The following SEMA6A variants were observed in gnomAD, a reference collection of about 807,000 sequenced individuals.
SEMA6A encodes semaphorin 6A.
Under a neutral mutation model 96.8 loss-of-function variants are expected in SEMA6A, and 25 were observed. That is an observed-to-expected ratio of 0.26 (90% CI 0.19 to 0.36). The LOEUF (loss-of-function observed/expected upper bound fraction) is 0.36, where lower values mean the gene tolerates loss of function less well. Ranked by LOEUF, SEMA6A falls within the 10% of genes least tolerant of loss-of-function variation. The pLI is 1.00. For synonymous variants in SEMA6A, 612 were observed against 518.0 expected (o/e 1.18, Z -2.46); for missense variants, 1,363 against 1,323.1 (o/e 1.03, Z -0.47).
At chr5:116,450,899 T>G (rs919470579) in intron 18 of SEMA6A, among the ~76,000 whole-genome samples, 1 of 152,200 alleles carries the variant, frequency 6.6e-6, no homozygotes, top group Non-Finnish European at 1.5e-5. Context: ...GAAATGCCTT[T>G]CAAACTTAAA....
intron 1 of SEMA6A, among the ~76,000 whole-genome samples, chr5:116,573,307 G>A (rs1262991045): frequency 2.6e-5 from 4 of 152,098 alleles, no homozygotes; most frequent in African/African-American, 9.7e-5. Flanking sequence ...TCCCCCTCCT[G>A]GGTCATCTTT....
intron 1 of SEMA6A, among the ~76,000 whole-genome samples, chr5:116,570,285 C>T (rs1239139362): frequency 6.6e-6 from 1 of 152,196 alleles, no homozygotes; most frequent in African/African-American, 2.4e-5. Flanking sequence ...TGAGAAAAGC[C>T]TTCACGCTGA....
At chr5:116,495,998 C>T (rs1757581735) in intron 5 of SEMA6A, 5 of 419,662 alleles carry the variant, frequency 1.2e-5, no homozygotes, top group Non-Finnish European at 1.7e-5. Flanking sequence ...CTCTGGGCAG[C>T]CGGCTTTGTG....
chr5:116,447,448 G>A lies in SEMA6A; in HGVS notation c.2258C>T (p.Thr753Met), dbSNP rs1561459244. ...IKADQHHLDL[T>M]ALPTPESTPT... ...GGTTGACTCTGGGGTGGGGAGGGCCGTCAGGTCCAGGTGGTGCTGGTCTGC... is the reference window on the plus strand; with the variant it reads ...GGTTGACTCTGGGGTGGGGAGGGCCATCAGGTCCAGGTGGTGCTGGTCTGC... The change falls in exon 19 of 19, where the codon ACG (threonine) becomes ATG (methionine). Residue 753 changes from threonine to methionine, a missense_variant. Thr to Met is a moderately conservative substitution (Grantham distance 81, BLOSUM62 -1). Transcript: ENST00000343348. The A allele has an allele frequency of 2.5e-6, 4 of 1,614,098 alleles. No homozygotes were observed. Among genetic ancestry groups the A allele is most frequent in the Non-Finnish European group, 3.4e-6 (4 of 1,179,910 alleles).
At chr5:116,507,589 T>A (rs1189612591) in intron 1 of SEMA6A, among the ~76,000 whole-genome samples, 1 of 152,190 alleles carries the variant, frequency 6.6e-6, no homozygotes, top group Non-Finnish European at 1.5e-5. Flanking sequence ...CTTTCAAAAC[T>A]TTGAAAAGTG....
At chr5:116,474,444 TCTC>T (rs1756348590) in intron 16 of SEMA6A, among the ~76,000 whole-genome samples, 1 of 152,160 alleles carries the variant, frequency 6.6e-6, no homozygotes, top group Non-Finnish European at 1.5e-5. Flanking sequence ...TGATGACACT[TCTC>T]CTATGCTTAT....
At chr5:116,495,212 A>C (rs1033005659) in intron 6 of SEMA6A, among the ~76,000 whole-genome samples, 1 of 152,218 alleles carries the variant, frequency 6.6e-6, no homozygotes, top group Non-Finnish European at 1.5e-5. Context: ...GGCTCTTTAA[A>C]GATGTGTCAA....
rs1414773465 is a variant in SEMA6A at position 116,447,173 on chromosome 5, C to T, written c.2533G>A (p.Asp845Asn). The change falls in exon 19 of 19, where the codon GAC (aspartate) becomes AAC (asparagine). Residue 845 changes from aspartate (D) to asparagine (N), a missense_variant. By Grantham distance (23) the Asp-to-Asn change is conservative. Transcript: ENST00000343348. Reference sequence around the variant, plus strand: ...TTATACTCCAGTGTGGCGGCCTGGTCCTCCAGCGCCATCTGGGCCACCTCG... The same window carrying T: ...TTATACTCCAGTGTGGCGGCCTGGTTCTCCAGCGCCATCTGGGCCACCTCG... Reference protein sequence around the residue: ...MSEVAQMALEDQAATLEYKTI... With the variant: ...MSEVAQMALENQAATLEYKTI... The T allele has an allele frequency of 6.2e-7, 1 of 1,614,058 alleles. No homozygotes were observed. Among genetic ancestry groups the T allele is most frequent in the South Asian group, 1.1e-5 (1 of 91,080 alleles).
intron 17 of SEMA6A, chr5:116,472,819 CTA>C: frequency 8.0e-7 from 1 of 1,249,752 alleles, no homozygotes. Context: ...GGAATGAAAA[CTA>C]TAAACTACTG....
chr5:116,544,852 AAT>A (rs1201711518), intron 1 of SEMA6A, among the ~76,000 whole-genome samples: 3 of 152,236 alleles, frequency 2.0e-5, no homozygotes, highest in Non-Finnish European at 2.9e-5. Flanking sequence ...TCAAAGAATC[AAT>A]ATGTCAGTAT....
intron 1 of SEMA6A, among the ~76,000 whole-genome samples, chr5:116,532,314 A>C (rs573044262): frequency 1.3e-5 from 2 of 152,296 alleles, no homozygotes; most frequent in South Asian, 2.1e-4. Context: ...TCGGTATAGA[A>C]AGTGGGGTCA....
intron 18 of SEMA6A, among the ~76,000 whole-genome samples, chr5:116,461,457 G>A (rs1561470392): frequency 1.4e-5 from 2 of 144,196 alleles, no homozygotes; most frequent in East Asian, 2.0e-4. Flanking sequence ...ATTAGTATGA[G>A]TTTTTTTTTT....
At chr5:116,499,660 A>G (rs746915579) in intron 3 of SEMA6A, among the ~76,000 whole-genome samples, 84 of 152,224 alleles carry the variant, frequency 5.5e-4, no homozygotes, top group Non-Finnish European at 9.0e-4. Flanking sequence ...GTATGGTGTG[A>G]AAACAAACAT....
chr5:116,512,308 G>C (rs1204548361), intron 1 of SEMA6A, among the ~76,000 whole-genome samples: 2 of 152,108 alleles, frequency 1.3e-5, no homozygotes, highest in African/African-American at 2.4e-5. Flanking sequence ...TATAAGGTTC[G>C]GGCAAATGAG....
chr5:116,445,503 A>G lies in SEMA6A; in HGVS notation c.*1110T>C, dbSNP rs1754122238. 1 of 152,686 alleles carries G rather than the reference A, an allele frequency of 6.5e-6. No homozygotes were observed. Among genetic ancestry groups the G allele is most frequent in the South Asian group, 2.1e-4 (1 of 4,838 alleles). 9.5% of individuals were successfully genotyped at this position (152,686 alleles called of 1,614,324 possible). On this transcript the variant is annotated 3_prime_UTR_variant, in exon 19 of 19. Transcript: ENST00000343348. ...GGTGCCTTCACAGAAAGTCAGAACCATGGACAAAACCATGTTGGCATCAAT... is the reference window on the plus strand; with the variant it reads ...GGTGCCTTCACAGAAAGTCAGAACCGTGGACAAAACCATGTTGGCATCAAT...
At chr5:116,450,073 G>C (rs563831542) in intron 18 of SEMA6A, among the ~76,000 whole-genome samples, 2 of 152,298 alleles carry the variant, frequency 1.3e-5, no homozygotes, top group Admixed American at 6.5e-5. Flanking sequence ...TGCTAAAATA[G>C]CTACTGATTT....
intron 1 of SEMA6A, among the ~76,000 whole-genome samples, chr5:116,532,495 G>A (rs772893751): frequency 1.3e-5 from 2 of 152,078 alleles, no homozygotes; most frequent in Non-Finnish European, 2.9e-5. Flanking sequence ...TTGAATTTAT[G>A]GGGAGGGAGA....
rs561791276 is a variant in SEMA6A, at chr5:116,475,385, C to T, written c.1708+160G>A. On this transcript the variant is annotated intron_variant, in intron 16 of 18. Transcript: ENST00000343348. ...AACATTGACAACACTGGCTTTAGAA[C>T]GCACTGCTTTCTTTGTTTGGTATTT... 5.4e-4 allele frequency among the ~76,000 whole-genome samples: 82 copies of T among 152,240 alleles called. 1 individual carries two copies. The South Asian group carries it at 0.016, about 30-fold the overall frequency.
At chr5:116,547,618 G>A (rs1370694812) in intron 1 of SEMA6A, among the ~76,000 whole-genome samples, 2 of 150,594 alleles carry the variant, frequency 1.3e-5, no homozygotes, top group Non-Finnish European at 2.9e-5. Context: ...TGCAACAGAA[G>A]CTTTTATTTC....
Sources: gnomAD v4.1 joint callset for allele counts (sites outside exome capture counted in the v4.1 genomes callset) on GRCh38, gnomAD v4.1.1 for gene constraint, MANE v1.5 for transcripts, NCBI Gene and HGNC (gene_info 2026-07-23, HGNC 2026-07-21) for gene names.